TAFA2: variants seen among roughly 807,000 people sequenced by gnomAD.
The protein encoded by TAFA2 is chemokine-like protein TAFA-2.
A neutral mutation model predicts 18.8 loss-of-function variants in TAFA2; 7 were observed. The observed-to-expected ratio is 0.37, with a 90% confidence interval of 0.21 to 0.70. The LOEUF is 0.70. Among genes scored for constraint, TAFA2 ranks in the 30% least tolerant of loss-of-function variants. The pLI, the probability that TAFA2 is intolerant of heterozygous loss-of-function variation, is 0.53. For missense variants in TAFA2, 122 were observed against 158.1 expected, an observed-to-expected ratio of 0.77 and a Z score of 1.23; for synonymous variants, 60 against 54.2, an observed-to-expected ratio of 1.11 and a Z score of -0.47.
intron 2 of TAFA2, among the ~76,000 whole-genome samples, chr12:61,852,776 G>A (rs547885085): frequency 6.6e-6 from 1 of 152,142 alleles, no homozygotes; most frequent in African/African-American, 2.4e-5. Context: ...ACAAATAATA[G>A]AAAACGATGA....
intron 2 of TAFA2, among the ~76,000 whole-genome samples, chr12:61,832,775 C>A (rs1007076869): frequency 6.6e-6 from 1 of 151,816 alleles, no homozygotes; most frequent in Non-Finnish European, 1.5e-5. Flanking sequence ...CTATCATAAT[C>A]TTTTTTAAGT....
At chr12:62,037,053 A>C (rs1051086836) in intron 1 of TAFA2, among the ~76,000 whole-genome samples, 6 of 152,338 alleles carry the variant, frequency 3.9e-5, no homozygotes, top group African/African-American at 1.4e-4. Context: ...AATAAAGTAA[A>C]CCTGGATGAG....
At chr12:62,146,788 C>T (rs1013160188) in intron 1 of TAFA2, among the ~76,000 whole-genome samples, 3 of 152,208 alleles carry the variant, frequency 2.0e-5, no homozygotes, top group East Asian at 3.9e-4. Context: ...CTGGAATACA[C>T]CTGATAAAAA....
At chr12:61,982,020 G>T (rs189743649) in intron 1 of TAFA2, among the ~76,000 whole-genome samples, 1 of 152,286 alleles carries the variant, frequency 6.6e-6, no homozygotes, top group African/African-American at 2.4e-5. Flanking sequence ...ATTCACAATA[G>T]CAAAGACTTG....
intron 1 of TAFA2, among the ~76,000 whole-genome samples, chr12:61,993,721 G>T (rs549966347): frequency 1.4e-3 from 208 of 152,068 alleles, no homozygotes; most frequent in Non-Finnish European, 1.8e-3. Flanking sequence ...GTAAATTGGG[G>T]ACTCTTCACA....
intron 2 of TAFA2, among the ~76,000 whole-genome samples, chr12:61,780,466 T>C (rs553186448): frequency 6.6e-6 from 1 of 151,970 alleles, no homozygotes; most frequent in East Asian, 1.9e-4. Context: ...CTTACAGCAT[T>C]TACTTTAGAA....
chr12:61,722,253 A>C (rs1215045133), intron 4 of TAFA2, among the ~76,000 whole-genome samples: 1 of 152,210 alleles, frequency 6.6e-6, no homozygotes, highest in African/African-American at 2.4e-5. Flanking sequence ...TGTAATTAGA[A>C]GAAAAATATA....
At chr12:61,826,285 C>T (rs146576809) in intron 2 of TAFA2, among the ~76,000 whole-genome samples, 9 of 151,826 alleles carry the variant, frequency 5.9e-5, no homozygotes, top group African/African-American at 2.2e-4. Flanking sequence ...ATTTCCAGAG[C>T]ATTTAACAAA....
At chr12:62,211,670 C>T (rs533388053) in intron 1 of TAFA2, among the ~76,000 whole-genome samples, 22 of 152,016 alleles carry the variant, frequency 1.4e-4, no homozygotes, top group African/African-American at 5.3e-4. Flanking sequence ...CTTTCATAAT[C>T]ATTCAGGGGT....
intron 1 of TAFA2, among the ~76,000 whole-genome samples, chr12:61,933,011 A>T: frequency 6.6e-6 from 1 of 152,200 alleles, no homozygotes. Flanking sequence ...AGGCAACATG[A>T]AAGCCAGCAG....
chr12:61,924,833 C>G (rs1877209240), intron 1 of TAFA2, among the ~76,000 whole-genome samples: 1 of 152,160 alleles, frequency 6.6e-6, no homozygotes, highest in Non-Finnish European at 1.5e-5. Context: ...GTGCTGTATT[C>G]AGGAGACCCA....
intron 2 of TAFA2, among the ~76,000 whole-genome samples, chr12:61,778,548 A>G (rs536079882): frequency 8.1e-4 from 123 of 151,830 alleles, no homozygotes; most frequent in African/African-American, 2.8e-3. Flanking sequence ...TCACTCATTT[A>G]CTATTTATTA....
At chr12:61,989,198 C>T (rs1183369244) in intron 1 of TAFA2, among the ~76,000 whole-genome samples, 1 of 152,098 alleles carries the variant, frequency 6.6e-6, no homozygotes, top group Non-Finnish European at 1.5e-5. Flanking sequence ...CAATTTTGTG[C>T]AGCAGCATGG....
intron 2 of TAFA2, among the ~76,000 whole-genome samples, chr12:61,822,267 T>TA (rs1872352098): frequency 6.6e-6 from 1 of 152,146 alleles, no homozygotes; most frequent in South Asian, 2.1e-4. Context: ...CTAAATCTTG[T>TA]AACCTGAGCA....
intron 1 of TAFA2, among the ~76,000 whole-genome samples, chr12:62,165,502 C>G (rs1190154457): frequency 2.6e-5 from 4 of 152,054 alleles, no homozygotes; most frequent in African/African-American, 9.7e-5. Context: ...TTCCAGTTTC[C>G]TATTGGATGT....
intron 2 of TAFA2, among the ~76,000 whole-genome samples, chr12:61,860,599 G>A (rs1301694570): frequency 7.2e-6 from 1 of 139,806 alleles, no homozygotes; most frequent in Non-Finnish European, 1.6e-5. Context: ...CATCCTCTTT[G>A]CTCTTTGCTC....
intron 1 of TAFA2, among the ~76,000 whole-genome samples, chr12:62,095,543 T>C (rs2136840700): frequency 6.6e-6 from 1 of 152,190 alleles, no homozygotes; most frequent in Non-Finnish European, 1.5e-5. Context: ...GTGGCACAGC[T>C]CAAACAAATT....
At chr12:62,135,041 T>C (rs550382848) in intron 1 of TAFA2, among the ~76,000 whole-genome samples, 93 of 152,196 alleles carry the variant, frequency 6.1e-4, no homozygotes, top group African/African-American at 2.1e-3. Flanking sequence ...TAAAACCCCC[T>C]ACTATTCACT....
intron 1 of TAFA2, among the ~76,000 whole-genome samples, chr12:62,079,212 A>AGG (rs933962358): frequency 1.3e-5 from 2 of 152,198 alleles, no homozygotes; most frequent in Non-Finnish European, 2.9e-5. Flanking sequence ...AAAGAAGCCT[A>AGG]GGGAAATTGT....
Sources: allele counts gnomAD v4.1 joint callset (sites outside exome capture counted in the v4.1 genomes callset), GRCh38; gene constraint gnomAD v4.1.1; transcripts MANE v1.5; gene names NCBI Gene and HGNC (gene_info 2026-07-23, HGNC 2026-07-21).